VASP: variants seen among roughly 807,000 people sequenced by gnomAD.
VASP encodes vasodilator-stimulated phosphoprotein.
VASP carries 27 observed loss-of-function variants against 54.4 expected under a neutral mutation model. The observed-to-expected ratio is 0.50, with a 90% confidence interval of 0.37 to 0.68. The LOEUF (loss-of-function observed/expected upper bound fraction) is 0.68. Ranked by LOEUF, VASP falls within the 30% of genes least tolerant of loss-of-function variation. The pLI, the probability that VASP is intolerant of heterozygous loss-of-function variation, is 0.00. For missense variants in VASP, 488 were observed against 528.3 expected, an observed-to-expected ratio of 0.92 and a Z score of 0.75; for synonymous variants, 233 against 209.8, an observed-to-expected ratio of 1.11 and a Z score of -0.96.
chr19:45,517,542 C>G (rs937890953), intron 1 of VASP, 121 bp from the exon 2 acceptor site: 6 of 1,325,634 alleles, frequency 4.5e-6, no homozygotes, highest in Non-Finnish European at 6.2e-6. Context: ...GTCCACGTGG[C>G]TCCTGCCTCC....
chr19:45,517,001 A>AAAAG (rs2089762225), intron 1 of VASP, among the ~76,000 whole-genome samples: 3 of 138,488 alleles, frequency 2.2e-5, no homozygotes, highest in African/African-American at 8.1e-5. Context: ...AAAAAAAAAA[A>AAAAG]AAAAAGATTA....
chr19:45,507,758 C>G lies in VASP; in HGVS notation c.-14C>G, dbSNP rs1189388763. The G allele has an allele frequency of 4.0e-5, 61 of 1,510,662 alleles. No homozygotes were observed. The highest frequency in any genetic ancestry group is 5.4e-5 in the Non-Finnish European group (61 of 1,136,656). The allele number at this position is 1,510,662 out of a possible 1,614,324, so 93.6% of individuals were successfully genotyped here. A position where few individuals can be genotyped will look rare whatever the true frequency, so the allele number is the denominator to read the frequency against. On this transcript the variant is annotated 5_prime_UTR_variant, in exon 1 of 13. Transcript: ENST00000245932. This position sits in a 1 kb window ranked among gnomAD's most constrained non-coding sequence, Gnocchi z 4.4. ...AGCCAGCCCGTGGGCGAGCCGCCCG[C>G]CCGCCGAGCAGCCATGAGGTGAGCC...
intron 1 of VASP, among the ~76,000 whole-genome samples, chr19:45,511,207 T>C (rs552720013): frequency 1.4e-4 from 21 of 151,800 alleles, no homozygotes; most frequent in Non-Finnish European, 3.1e-4. Flanking sequence ...ATAAGGAGGG[T>C]ATGGGCTAAG....
At position 45,522,823 on chromosome 19, in the gene VASP, G is replaced by C. The variant is rs1968872859; in HGVS notation, c.821+5G>C. 6.2e-7 allele frequency: 1 copy of C among 1,604,080 alleles called. No individual in the cohort carries two copies. The highest frequency in any genetic ancestry group is 8.5e-7 in the Non-Finnish European group (1 of 1,176,530). The stretch of plus-strand genomic sequence containing the variant: ...GAACGCCATGCTGGCCCGGAGGTGA[G>C]CCTGAGCCTGGACCCCCAAGTCACC... On this transcript the variant is annotated splice_donor_5th_base_variant and intron_variant, in intron 7 of 12. Coordinates refer to ENST00000245932, the MANE Select transcript of VASP (RefSeq NM_003370.4).
At chr19:45,521,889 A>AT (rs1968843367) in intron 4 of VASP, among the ~76,000 whole-genome samples, 2 of 152,030 alleles carry the variant, frequency 1.3e-5, no homozygotes, top group South Asian at 4.2e-4. Flanking sequence ...AAAAAAAAAA[A>AT]AAGAAAAGAA....
chr19:45,524,900 G>A (rs1359696436), intron 11 of VASP: 7 of 417,262 alleles, frequency 1.7e-5, no homozygotes, highest in African/African-American at 1.0e-4. Flanking sequence ...AATTCTTTCC[G>A]CACATTGACC....
chr19:45,523,443 T>C (rs1442722436), intron 7 of VASP, among the ~76,000 whole-genome samples: 1 of 152,048 alleles, frequency 6.6e-6, no homozygotes, highest in Non-Finnish European at 1.5e-5. Flanking sequence ...CCTCAAGAGA[T>C]CCACCTGCTT....
chr19:45,522,681 T>TAAAGGA (rs1443007577), intron 6 of VASP, 37 bp from the exon 7 acceptor site: 16 of 1,597,178 alleles, frequency 1.0e-5, no homozygotes, highest in Non-Finnish European at 1.4e-5. Flanking sequence ...CCAAAAGGCC[T>TAAAGGA]GCCCCTAAAG....
intron 4 of VASP, 46 bp downstream of exon 4, chr19:45,521,452 C>CCAGAA: frequency 1.4e-6 from 2 of 1,458,972 alleles, no homozygotes; most frequent in Non-Finnish European, 9.1e-7. Context: ...TGCCAGAGTT[C>CCAGAA]CATATGTTCT....
At chr19:45,510,140 A>T (rs944193749) in intron 1 of VASP, among the ~76,000 whole-genome samples, 2 of 152,126 alleles carry the variant, frequency 1.3e-5, no homozygotes, top group Non-Finnish European at 2.9e-5. Flanking sequence ...TTTTATTTTT[A>T]AAAAATAAGA....
intron 1 of VASP, among the ~76,000 whole-genome samples, chr19:45,515,457 G>A (rs1037120311): frequency 6.6e-6 from 1 of 152,150 alleles, no homozygotes; most frequent in Non-Finnish European, 1.5e-5. Context: ...TAGCTGTCCC[G>A]GGCCCCAGTG....
At chr19:45,508,941 G>GC (rs1432292760) in intron 1 of VASP, among the ~76,000 whole-genome samples, 2 of 152,050 alleles carry the variant, frequency 1.3e-5, no homozygotes, top group Non-Finnish European at 2.9e-5. Flanking sequence ...CCCTCCCCTG[G>GC]CCCCCCATAA....
In VASP at chr19:45,524,076, TG is replaced by T; in HGVS notation, c.911-20del. 1.2e-6 allele frequency: 2 copies of T among 1,614,106 alleles called. No homozygotes were observed. Among genetic ancestry groups the T allele is most frequent in the Non-Finnish European group, 1.7e-6 (2 of 1,180,016 alleles). On this transcript the variant is annotated intron_variant, in intron 9 of 12. Coordinates refer to ENST00000245932, the MANE Select transcript of VASP (RefSeq NM_003370.4). ...GGCAGTCTTTTGTCCCTGATCTTTC[TG>T]ATTTCTTGCCTATCCCCAGAATCTG...
In VASP at chr19:45,522,406, C is replaced by T; in HGVS notation, c.545C>T (p.Pro182Leu). ...CCAGGACCTCCCCCTCCTCCAGGTCCCCCCCCACCCCCAGGTTTGCCCCCT... is the reference window on the plus strand; with the variant it reads ...CCAGGACCTCCCCCTCCTCCAGGTCTCCCCCCACCCCCAGGTTTGCCCCCT... ...PPPGPPPPPG[P>L]PPPPGLPPSG... The change falls in exon 6 of 13, where the codon CCC becomes CTC. Residue 182 changes from proline to leucine, a missense_variant. Around this residue, in one of 4 missense-constraint regions of VASP, gnomAD observed 226 missense variants for 196.0 expected, o/e 1.15. Coordinates refer to ENST00000245932, the MANE Select transcript of VASP (RefSeq NM_003370.4). 7 of 1,528,332 alleles carry T rather than the reference C, an allele frequency of 4.6e-6. No individual in the cohort carries two copies. The highest frequency in any genetic ancestry group is 6.2e-6 in the Non-Finnish European group (7 of 1,133,438). 94.7% of individuals were successfully genotyped at this position (1,528,332 alleles called of 1,614,324 possible).
At chr19:45,514,611 G>A (rs953195801) in intron 1 of VASP, among the ~76,000 whole-genome samples, 1 of 152,198 alleles carries the variant, frequency 6.6e-6, no homozygotes, top group Non-Finnish European at 1.5e-5. Context: ...CCCAGCAGGC[G>A]CCCTGTTCTC....
At chr19:45,522,276 C>T in intron 5 of VASP, 59 bp downstream of exon 5, 1 of 1,614,026 alleles carries the variant, frequency 6.2e-7, no homozygotes, top group South Asian at 1.1e-5. Context: ...AGTGGCCAGC[C>T]AGCTGGACAG....
At chr19:45,526,098 CAG>C in intron 12 of VASP, 40 bp from the exon 13 acceptor site, 1 of 1,613,784 alleles carries the variant, frequency 6.2e-7, no homozygotes, top group African/African-American at 1.3e-5. Flanking sequence ...AGGGAGGAGG[CAG>C]AGACTCTGCC....
chr19:45,524,201 AG>A (rs1206749265), intron 10 of VASP, 59 bp downstream of exon 10: 35 of 1,600,366 alleles, frequency 2.2e-5, no homozygotes, highest in Admixed American at 1.7e-5. Flanking sequence ...GCTTGAGCCC[AG>A]GAGGTCAAGA....
At position 45,510,066 on chromosome 19, in the gene VASP, C is replaced by T. The variant is rs976689258; in HGVS notation, c.5+2290C>T. On this transcript the variant is annotated intron_variant, in intron 1 of 12. Transcript: ENST00000245932. ...GAGAAGCGAGGCAGAGGTCTAGAAT[C>T]TCAGGGCAGAAGGGACTTGGGGAGA... 2.0e-5 allele frequency among the ~76,000 whole-genome samples: 3 copies of T among 152,186 alleles called. No individual in the cohort carries two copies. In the East Asian group the frequency reaches 5.8e-4, roughly 29 times the overall value.
Sources: gnomAD v4.1 joint callset for allele counts (sites outside exome capture counted in the v4.1 genomes callset) on GRCh38, gnomAD v4.1.1 for gene constraint, gnomAD v4.1.1 regional missense constraint, Gnocchi (gnomAD v3.1) non-coding constraint, MANE v1.5 for transcripts, NCBI Gene and HGNC (gene_info 2026-07-23, HGNC 2026-07-21) for gene names.